CLASP2: variants seen among roughly 807,000 people sequenced by gnomAD.
CLASP2 encodes the protein CLIP-associating protein 2.
A neutral mutation model predicts 194.4 loss-of-function variants in CLASP2; 47 were observed. The ratio of observed to expected loss-of-function variants is 0.24; its 90% CI spans 0.19 to 0.31. The LOEUF is 0.31. Ranked by LOEUF, CLASP2 falls within the 10% of genes least tolerant of loss-of-function variation. The pLI is 1.00. For synonymous variants in CLASP2, 619 were observed against 633.5 expected, an observed-to-expected ratio of 0.98 and a Z score of 0.34; for missense variants, 1,445 against 1,823.6, an observed-to-expected ratio of 0.79 and a Z score of 3.78.
intron 37 of CLASP2, among the ~76,000 whole-genome samples, chr3:33,505,644 G>A (rs537320762): frequency 2.0e-4 from 31 of 152,276 alleles, no homozygotes; most frequent in Non-Finnish European, 3.4e-4. Context: ...AAGATGATGG[G>A]GCAAGGTATA....
At chr3:33,533,105 C>T (rs1380592459) in intron 34 of CLASP2, among the ~76,000 whole-genome samples, 1 of 152,118 alleles carries the variant, frequency 6.6e-6, no homozygotes, top group Non-Finnish European at 1.5e-5. Flanking sequence ...CAGTTTGTGA[C>T]CCATGTGCAT....
At chr3:33,682,271 G>A (rs2089976754) in intron 6 of CLASP2, among the ~76,000 whole-genome samples, 1 of 152,046 alleles carries the variant, frequency 6.6e-6, no homozygotes, top group Non-Finnish European at 1.5e-5. Context: ...ACTTTATAGA[G>A]TGTGATGATG....
chr3:33,569,246 C>G (rs1227970068), intron 26 of CLASP2, among the ~76,000 whole-genome samples: 2 of 152,088 alleles, frequency 1.3e-5, no homozygotes, highest in Admixed American at 1.3e-4. Context: ...CCTATTTGAT[C>G]TTTTTTAAAA....
chr3:33,653,960 G>A (rs1193893020), intron 7 of CLASP2, among the ~76,000 whole-genome samples: 5 of 150,844 alleles, frequency 3.3e-5, no homozygotes, highest in Non-Finnish European at 7.4e-5. Context: ...CGTGAAATCA[G>A]CATCTAAAAA....
intron 18 of CLASP2, among the ~76,000 whole-genome samples, chr3:33,597,556 C>T (rs1481435380): frequency 1.3e-5 from 2 of 151,976 alleles, no homozygotes; most frequent in Admixed American, 6.6e-5. Flanking sequence ...ATGGTGAAAA[C>T]CTCCTTTCTT....
At chr3:33,544,930 G>A (rs988627323) in intron 30 of CLASP2, 89 bp from the exon 31 acceptor site, 10 of 868,616 alleles carry the variant, frequency 1.2e-5, no homozygotes, top group South Asian at 7.1e-5. Flanking sequence ...TCAATAGCAC[G>A]AAGCTTGACC....
intron 7 of CLASP2, among the ~76,000 whole-genome samples, chr3:33,654,513 A>G (rs2083807112): frequency 6.6e-6 from 1 of 152,200 alleles, no homozygotes; most frequent in South Asian, 2.1e-4. Context: ...AGGAAGTTCA[A>G]TATCTGAATA....
At chr3:33,704,487 C>T (rs1448709045) in intron 1 of CLASP2, among the ~76,000 whole-genome samples, 2 of 152,190 alleles carry the variant, frequency 1.3e-5, no homozygotes, top group Non-Finnish European at 2.9e-5. Flanking sequence ...CACAGTGGCT[C>T]ATGCCTGTAA....
At chr3:33,705,122 A>T (rs1212126941) in intron 1 of CLASP2, among the ~76,000 whole-genome samples, 1 of 152,218 alleles carries the variant, frequency 6.6e-6, no homozygotes, top group African/African-American at 2.4e-5. Flanking sequence ...CATTATTCAC[A>T]ATAGTCAAAG....
rs59528446 is a variant in CLASP2, at chr3:33,715,847, T to TAAA, written c.195+1958_195+1960dup. ...TAAGTATGTTTTATTGTATCTTAAG[T>TAAA]AAAAAAAAAAAAAAAAAAAAAAAAA... On this transcript the variant is annotated intron_variant, in intron 1 of 38. Coordinates refer to ENST00000682230, the MANE Select transcript of CLASP2 (RefSeq NM_001365631.1). Among the ~76,000 whole-genome samples the TAAA allele has an allele frequency of 3.1e-3, 190 of 62,176 alleles. 7 individuals carry two copies. The highest frequency in any genetic ancestry group is 4.5e-3 in the South Asian group (5 of 1,102). 40.8% of individuals were successfully genotyped at this position (62,176 alleles called of 152,430 possible).
chr3:33,568,459 CA>C (rs201381369), intron 26 of CLASP2, among the ~76,000 whole-genome samples: 10,472 of 149,496 alleles, frequency 0.07, 443 homozygotes, highest in Admixed American at 0.1. Context: ...AAGGCTGAGG[CA>C]TGAGAATCGC....
chr3:33,593,146 A>G (rs2069235745), intron 20 of CLASP2, among the ~76,000 whole-genome samples: 1 of 152,090 alleles, frequency 6.6e-6, no homozygotes, highest in East Asian at 1.9e-4. Context: ...TTTCTATTCT[A>G]CCACTCTGCC....
At chr3:33,504,536 G>A (rs1401082330) in intron 37 of CLASP2, 1 of 152,158 alleles carries the variant, frequency 6.6e-6, no homozygotes, top group Non-Finnish European at 1.5e-5. Context: ...CTACAATTCT[G>A]TCTTAGCCCA....
chr3:33,524,850 G>A (rs544852430), intron 34 of CLASP2, among the ~76,000 whole-genome samples: 1 of 152,176 alleles, frequency 6.6e-6, no homozygotes, highest in South Asian at 2.1e-4. Flanking sequence ...GAATTGAAGG[G>A]AAAAATAGTT....
intron 1 of CLASP2, 142 bp downstream of exon 1, chr3:33,717,666 C>G: frequency 1.1e-6 from 1 of 882,656 alleles, no homozygotes; most frequent in South Asian, 1.7e-5. Context: ...ACCTCGTGAT[C>G]CGCCCGCCTG....
chr3:33,613,174 C>T (rs561320783), intron 12 of CLASP2, among the ~76,000 whole-genome samples: 62 of 152,164 alleles, frequency 4.1e-4, no homozygotes, highest in Admixed American at 3.9e-4. Flanking sequence ...TTTGTAAATG[C>T]CCTTGGGGTT....
chr3:33,651,044 G>C (rs1226557637), intron 7 of CLASP2, among the ~76,000 whole-genome samples: 1 of 152,100 alleles, frequency 6.6e-6, no homozygotes, highest in Non-Finnish European at 1.5e-5. Flanking sequence ...ACTGATATGA[G>C]GCTATTTATG....
At chr3:33,659,165 A>C in intron 7 of CLASP2, 1 of 1,385,602 alleles carries the variant, frequency 7.2e-7, no homozygotes, top group Non-Finnish European at 9.3e-7. Context: ...ACTCCACTTC[A>C]AAATAAAAGT....
chr3:33,573,704 GA>G (rs1420189159), intron 24 of CLASP2, among the ~76,000 whole-genome samples: 1 of 152,086 alleles, frequency 6.6e-6, no homozygotes, highest in African/African-American at 2.4e-5. Context: ...AACTATACTA[GA>G]AATTTGAGTT....
Sources: allele counts gnomAD v4.1 joint callset (sites outside exome capture counted in the v4.1 genomes callset), GRCh38; gene constraint gnomAD v4.1.1; transcripts MANE v1.5; gene names NCBI Gene and HGNC (gene_info 2026-07-23, HGNC 2026-07-21).